Variants in ZNF106 observed in about 807,000 individuals in gnomAD.
ZNF106 encodes SH3-domain binding protein 3.
ZNF106 carries 67 observed loss-of-function variants against 195.1 expected under a neutral mutation model. That is an observed-to-expected ratio of 0.34 (90% confidence interval 0.28 to 0.42). The LOEUF (loss-of-function observed/expected upper bound fraction) is 0.42, where lower values mean the gene tolerates loss of function less well. Ranked by LOEUF, ZNF106 falls within the 10% of genes least tolerant of loss-of-function variation. ZNF106 has a pLI of 1.00. For synonymous variants in ZNF106, 784 were observed against 818.6 expected, an observed-to-expected ratio of 0.96 and a Z score of 0.72; for missense variants, 2,118 against 2,304.5, an observed-to-expected ratio of 0.92 and a Z score of 1.66.
In ZNF106 at chr15:42,456,991, A is replaced by C. The variant is rs1211613256; in HGVS notation, c.284T>G (p.Ile95Ser). 1 of 1,612,462 alleles carries C rather than the reference A, an allele frequency of 6.2e-7. No homozygotes were observed. The highest frequency in any genetic ancestry group is 8.5e-7 in the Non-Finnish European group (1 of 1,179,066). The part of the protein sequence containing the change: ...EEEDYFDKEL[I>S]QLIKQRKEQS... ...TTCTTTCCTTTGTTTTATTAACTGA[A>C]TGAGTTCCTTGTCAAAATAATCTTC... Residue 95 changes from isoleucine (I) to serine (S), a missense_variant, in exon 4 of 22, where the codon ATT becomes AGT. Transcript: ENST00000564754.
chr15:42,487,490 CAAAAAAA>C (rs961444853), intron 1 of ZNF106, among the ~76,000 whole-genome samples: 8 of 44,726 alleles, frequency 1.8e-4, no homozygotes, highest in African/African-American at 4.4e-4. Context: ...GACCCTGTCT[CAAAAAAA>C]AAAAAAAAAA....
At chr15:42,479,770 G>C (rs915936922) in intron 1 of ZNF106, among the ~76,000 whole-genome samples, 1 of 151,886 alleles carries the variant, frequency 6.6e-6, no homozygotes, top group Non-Finnish European at 1.5e-5. Context: ...TGAACCCGGG[G>C]AGTAGAGGTT....
chr15:42,447,436 G>A (rs1337185540), intron 6 of ZNF106, among the ~76,000 whole-genome samples: 2 of 152,108 alleles, frequency 1.3e-5, no homozygotes, highest in Non-Finnish European at 2.9e-5. Flanking sequence ...ATCCCAGACT[G>A]TATCACTACC....
At chr15:42,488,973 G>C (rs936627415) in intron 1 of ZNF106, among the ~76,000 whole-genome samples, 1 of 151,244 alleles carries the variant, frequency 6.6e-6, no homozygotes, top group Non-Finnish European at 1.5e-5. Flanking sequence ...AGCTACTCGG[G>C]AGGCTGAGGC....
chr15:42,444,393 G>T, intron 8 of ZNF106, 131 bp from the exon 9 acceptor site: 1 of 668,724 alleles, frequency 1.5e-6, no homozygotes, highest in Non-Finnish European at 2.5e-6. Context: ...GCCAGCCGCA[G>T]GTTTTCTCCA....
In ZNF106 at chr15:42,413,783, G is replaced by A. The variant is rs1219867552; in HGVS notation, c.*3521C>T. The A allele has an allele frequency of 6.6e-6, 1 of 152,424 alleles. No homozygotes were observed. The highest frequency in any genetic ancestry group is 2.4e-5 in the African/African-American group (1 of 41,460). The allele number at this position is 152,424 out of a possible 1,614,324, so 9.4% of individuals were successfully genotyped here. On this transcript the variant is annotated 3_prime_UTR_variant, in exon 22 of 22. Transcript: ENST00000564754. ...GAAAATTTTTCCCACAAAAGCAGGA[G>A]TGCAGTAGTAAGTAATGACTTTCTC...
chr15:42,427,773 A>G (rs956798485), intron 15 of ZNF106: 2 of 334,526 alleles, frequency 6.0e-6, no homozygotes, highest in Admixed American at 4.0e-5. Context: ...TTTGGCCCCA[A>G]ATCTTCAGAC....
At chr15:42,457,261 A>G in intron 3 of ZNF106, 103 bp from the exon 4 acceptor site, 1 of 1,561,768 alleles carries the variant, frequency 6.4e-7, no homozygotes, top group Non-Finnish European at 8.7e-7. Flanking sequence ...ACACTTTGGC[A>G]CAGTGAAAAA....
intron 12 of ZNF106, among the ~76,000 whole-genome samples, chr15:42,438,344 T>C (rs947869325): frequency 6.6e-6 from 1 of 152,180 alleles, no homozygotes; most frequent in African/African-American, 2.4e-5. Flanking sequence ...TGAGTAGAGA[T>C]AGCGCCACTG....
intron 2 of ZNF106, among the ~76,000 whole-genome samples, chr15:42,470,011 T>G (rs1463161702): frequency 6.6e-6 from 1 of 151,966 alleles, no homozygotes; most frequent in Admixed American, 6.6e-5. Context: ...AAAGGCTGGG[T>G]TGGTTGGAGG....
chr15:42,435,566 A>C, intron 13 of ZNF106, 48 bp from the exon 14 acceptor site: 1 of 1,606,080 alleles, frequency 6.2e-7, no homozygotes, highest in Non-Finnish European at 8.5e-7. Context: ...ATATAGGAGG[A>C]TTAGATAATA....
Position 42,416,918 on chromosome 15 carries a change from C to A in ZNF106, c.*386G>T. 6.5e-6 allele frequency: 1 copy of A among 153,446 alleles called. No individual in the cohort carries two copies. The highest frequency in any genetic ancestry group is 1.4e-5 in the Non-Finnish European group (1 of 73,052). 9.5% of individuals were successfully genotyped at this position (153,446 alleles called of 1,614,324 possible). A position where few individuals can be genotyped will look rare whatever the true frequency, so the allele number is the denominator to read the frequency against. ...TTAAAAGCCTGACTATAGGTTTAAACCATCATAAGAACATAAATTAAAAAT... is the reference window on the plus strand; with the variant it reads ...TTAAAAGCCTGACTATAGGTTTAAAACATCATAAGAACATAAATTAAAAAT... On this transcript the variant is annotated 3_prime_UTR_variant, in exon 22 of 22. Coordinates refer to ENST00000564754, the MANE Select transcript of ZNF106 (RefSeq NM_001366845.3).
At chr15:42,443,060 G>T (rs2055616392) in intron 9 of ZNF106, among the ~76,000 whole-genome samples, 3 of 151,868 alleles carry the variant, frequency 2.0e-5, no homozygotes, top group Non-Finnish European at 2.9e-5. Context: ...TAGAGACAGG[G>T]TTTCACCACA....
rs1009982781 is a variant in ZNF106 at position 42,412,991 on chromosome 15, A to T, written c.*4313T>A. The T allele has an allele frequency of 3.3e-5, 5 of 152,168 alleles. No homozygotes were observed. The highest frequency in any genetic ancestry group is 7.4e-5 in the Non-Finnish European group (5 of 68,018). The allele number at this position is 152,168 out of a possible 1,614,324, so 9.4% of individuals were successfully genotyped here. On this transcript the variant is annotated 3_prime_UTR_variant, in exon 22 of 22. Transcript: ENST00000564754. ...ATTCTTCTAATCCATATTCAATATT[A>T]AAAAAATCAGAAACCAAGGGTGCTG...
At chr15:42,443,018 T>C (rs542592760) in intron 9 of ZNF106, among the ~76,000 whole-genome samples, 2 of 151,988 alleles carry the variant, frequency 1.3e-5, no homozygotes, top group South Asian at 4.2e-4. Context: ...TTATTACTAA[T>C]AATAATTATC....
rs897656069 is a variant in ZNF106 at position 42,416,365 on chromosome 15, A to T, written c.*939T>A. 6.6e-6 allele frequency: 1 copy of T among 152,262 alleles called. No homozygotes were observed. Among genetic ancestry groups the T allele is most frequent in the Non-Finnish European group, 1.5e-5 (1 of 68,098 alleles). 9.4% of individuals were successfully genotyped at this position (152,262 alleles called of 1,614,324 possible). The stretch of plus-strand genomic sequence containing the variant: ...CCCCGTGAGCCCAGAGGAATATTCG[A>T]TGGCTGCCATCGGTCTAGGCACGGC... On this transcript the variant is annotated 3_prime_UTR_variant, in exon 22 of 22. Transcript: ENST00000564754.
chr15:42,460,910 C>A (rs1295180593), intron 3 of ZNF106, among the ~76,000 whole-genome samples: 2 of 151,102 alleles, frequency 1.3e-5, no homozygotes, highest in African/African-American at 4.9e-5. Flanking sequence ...AAAACCAAAT[C>A]CCTAACATTT....
intron 20 of ZNF106, among the ~76,000 whole-genome samples, chr15:42,419,419 A>G (rs1347697476): frequency 2.0e-5 from 3 of 151,916 alleles, no homozygotes; most frequent in Non-Finnish European, 4.4e-5. Context: ...GCACATGCCT[A>G]CAGTCCCAGC....
intron 1 of ZNF106, among the ~76,000 whole-genome samples, chr15:42,477,572 G>A (rs1045408271): frequency 6.6e-6 from 1 of 152,082 alleles, no homozygotes; most frequent in East Asian, 1.9e-4. Flanking sequence ...AGCAAAATTC[G>A]TGTATCCACA....
Sources: gnomAD v4.1 joint callset for allele counts (sites outside exome capture counted in the v4.1 genomes callset) on GRCh38, gnomAD v4.1.1 for gene constraint, MANE v1.5 for transcripts, NCBI Gene and HGNC (gene_info 2026-07-23, HGNC 2026-07-21) for gene names.